The following NRK variants were observed in gnomAD, a reference collection of about 807,000 sequenced individuals.
The protein encoded by NRK is nik-related protein kinase.
NRK carries 67 observed loss-of-function variants against 125.2 expected under a neutral mutation model. The observed-to-expected ratio is 0.54, with a 90% CI of 0.44 to 0.66. The LOEUF is 0.66. Among genes scored for constraint, NRK ranks in the 30% least tolerant of loss-of-function variants. The probability of loss-of-function intolerance (pLI) is 0.00; values close to 1 mark genes in which losing one functional copy is unlikely to be tolerated. For synonymous variants in NRK, 458 were observed against 429.0 expected, an observed-to-expected ratio of 1.07 and a Z score of -0.84; for missense variants, 1,224 against 1,192.9, an observed-to-expected ratio of 1.03 and a Z score of -0.38.
chrX:105,905,935 C>T (rs925853472), intron 10 of NRK, among the ~76,000 whole-genome samples: 15 of 112,180 alleles, frequency 1.3e-4, no homozygotes, highest in African/African-American at 4.9e-4. Context: ...ATGGCCACAT[C>T]TGTTTTCATG....
At chrX:105,911,497 T>C (rs938578411) in intron 13 of NRK, among the ~76,000 whole-genome samples, 2 of 111,737 alleles carry the variant, frequency 1.8e-5, no homozygotes, top group African/African-American at 6.5e-5. Context: ...AGTATCTAGA[T>C]AAGGAATTCT....
chrX:105,933,811 CTT>C (rs2040626378), intron 19 of NRK, among the ~76,000 whole-genome samples: 1 of 111,908 alleles, frequency 8.9e-6, no homozygotes, highest in Non-Finnish European at 1.9e-5. Context: ...ATCAGACAGA[CTT>C]TGGCTTCAAA....
Position 105,956,443 on chromosome X carries a change from T to C in NRK, c.*843T>C, listed in dbSNP as rs1303030687. The C allele has an allele frequency of 2.7e-5, 3 of 111,931 alleles. No individual in the cohort carries two copies. The East Asian group carries it at 8.4e-4, about 31-fold the overall frequency. 9.2% of individuals were successfully genotyped at this position (111,931 alleles called of 1,213,427 possible). On this transcript the variant is annotated 3_prime_UTR_variant, in exon 29 of 29. Transcript: ENST00000243300. ...CAAATTCTACTCCCCAAAGCAGAGATAGATTGATTTATCAAAATTATTATC... is the reference window on the plus strand; with the variant it reads ...CAAATTCTACTCCCCAAAGCAGAGACAGATTGATTTATCAAAATTATTATC...
rs1234123119 is a variant in NRK, at chrX:105,939,903, C to T, written c.3829C>T (p.Leu1277=). ...TAAGAACAGACTTCGGGTGTATCAT[C>T]TGACCTGGTTGAGGAACAAGATTTT... The part of the protein sequence containing the change: ...GHKNRLRVYH[L]TWLRNKILNN... The change falls in exon 23 of 29, where the codon CTG becomes TTG. Residue 1277 remains leucine (L), a synonymous_variant. Transcript: ENST00000243300. 8.4e-7 allele frequency: 1 copy of T among 1,186,812 alleles called. No homozygotes were observed.
intron 8 of NRK, 98 bp from the exon 9 acceptor site, chrX:105,900,520 A>G (rs1255722072): frequency 1.9e-6 from 1 of 525,884 alleles, no homozygotes; most frequent in African/African-American, 2.3e-5. Flanking sequence ...GAGCTCTGGC[A>G]TTGACATCCA....
At chrX:105,861,039 T>C (rs1276298338) in intron 2 of NRK, among the ~76,000 whole-genome samples, 2 of 111,290 alleles carry the variant, frequency 1.8e-5, no homozygotes, top group Non-Finnish European at 3.8e-5. Flanking sequence ...GTGTGACTTT[T>C]TGAGGAGCTG....
chrX:105,845,542 G>GT (rs1206251689), intron 2 of NRK, among the ~76,000 whole-genome samples: 7 of 112,280 alleles, frequency 6.2e-5, no homozygotes. Context: ...ACAGCATATA[G>GT]TTATACTAAA....
chrX:105,888,242 T>A, intron 4 of NRK, 52 bp from the exon 5 acceptor site: 1 of 1,086,785 alleles, frequency 9.2e-7, no homozygotes, highest in East Asian at 3.2e-5. Context: ...TAGGGACTTA[T>A]AGTCATTGAT....
upstream of NRK, among the ~76,000 whole-genome samples, chrX:105,821,954 G>A (rs896244065): frequency 8.9e-6 from 1 of 112,256 alleles, no homozygotes; most frequent in Non-Finnish European, 1.9e-5. Context: ...TGAAGGCCAA[G>A]CTGTGACAGC....
At chrX:105,949,515 C>T (rs2040862654) in intron 26 of NRK, 60 bp from the exon 27 acceptor site, 5 of 947,301 alleles carry the variant, frequency 5.3e-6, no homozygotes, top group East Asian at 3.1e-5. Flanking sequence ...CAAGCTGCTT[C>T]GATTAAAGTA....
chrX:105,953,710 A>G (rs2040933880), intron 28 of NRK, among the ~76,000 whole-genome samples: 1 of 111,995 alleles, frequency 8.9e-6, no homozygotes, highest in Admixed American at 9.5e-5. Flanking sequence ...TAAAATCAAG[A>G]TCTGGCAATT....
intron 19 of NRK, among the ~76,000 whole-genome samples, chrX:105,932,568 T>C (rs1392325437): frequency 8.9e-6 from 1 of 112,340 alleles, no homozygotes; most frequent in Non-Finnish European, 1.9e-5. Flanking sequence ...CCATGTGGTA[T>C]TTGAACTCAT....
At chrX:105,943,547 A>G (rs777231798) in intron 23 of NRK, among the ~76,000 whole-genome samples, 4 of 112,004 alleles carry the variant, frequency 3.6e-5, no homozygotes, top group Non-Finnish European at 7.5e-5. Context: ...CAACTTTTCC[A>G]TTTCTTCAAT....
At chrX:105,938,956 C>T (rs2040700553) in intron 22 of NRK, among the ~76,000 whole-genome samples, 1 of 110,994 alleles carries the variant, frequency 9.0e-6, no homozygotes, top group Admixed American at 9.6e-5. Context: ...GGAGAAGCCC[C>T]TTATAAAACC....
At chrX:105,846,916 C>T (rs922363627) in intron 2 of NRK, among the ~76,000 whole-genome samples, 1 of 111,588 alleles carries the variant, frequency 9.0e-6, no homozygotes, top group Non-Finnish European at 1.9e-5. Context: ...GTCATTTGAT[C>T]CTCATAGGAA....
chrX:105,950,651 C>T (rs1211365991), intron 27 of NRK, among the ~76,000 whole-genome samples: 4 of 104,361 alleles, frequency 3.8e-5, no homozygotes, highest in Non-Finnish European at 5.9e-5. Context: ...ACATTGTGTC[C>T]CATCTCAGAA....
chrX:105,937,980 G>T (rs895595411), intron 22 of NRK, among the ~76,000 whole-genome samples: 5 of 111,617 alleles, frequency 4.5e-5, no homozygotes, highest in Admixed American at 3.8e-4. Flanking sequence ...AAAGAGAGTT[G>T]TCCTTAGTAT....
At chrX:105,889,019 G>C (rs771352719) in intron 5 of NRK, among the ~76,000 whole-genome samples, 1 of 111,730 alleles carries the variant, frequency 9.0e-6, no homozygotes, top group Non-Finnish European at 1.9e-5. Flanking sequence ...ACTCATTTCA[G>C]CATTAACTCA....
At chrX:105,947,132 A>G (rs1293141095) in intron 26 of NRK, among the ~76,000 whole-genome samples, 4 of 111,848 alleles carry the variant, frequency 3.6e-5, no homozygotes, top group African/African-American at 1.3e-4. Flanking sequence ...TTAAAAGCAG[A>G]TACTCCTCAA....
Sources: gnomAD v4.1 joint callset for allele counts (sites outside exome capture counted in the v4.1 genomes callset) on GRCh38, gnomAD v4.1.1 for gene constraint, MANE v1.5 for transcripts, NCBI Gene and HGNC (gene_info 2026-07-23, HGNC 2026-07-21) for gene names.